Variants in SPAG16 observed in about 807,000 individuals in gnomAD.
The protein encoded by SPAG16 is sperm associated antigen 16.
In SPAG16, 86 loss-of-function variants were observed where a neutral mutation model predicts 80.4. The observed-to-expected ratio is 1.07, with a 90% CI of 0.90 to 1.28. The LOEUF (loss-of-function observed/expected upper bound fraction) is 1.28. Among genes scored for constraint, SPAG16 ranks in the 50% most tolerant of loss-of-function variants. SPAG16 has a pLI of 0.00. For missense variants in SPAG16, 870 were observed against 765.3 expected (o/e 1.14, Z -1.61); for synonymous variants, 294 against 265.9 (o/e 1.11, Z -1.03).
intron 10 of SPAG16, among the ~76,000 whole-genome samples, chr2:213,500,656 G>A (rs899061062): frequency 3.3e-5 from 5 of 152,112 alleles, no homozygotes; most frequent in Non-Finnish European, 5.9e-5. Flanking sequence ...ATTGACTATG[G>A]GCCTAGAAGA....
At chr2:213,796,035 T>C (rs547553335) in intron 10 of SPAG16, among the ~76,000 whole-genome samples, 21 of 152,256 alleles carry the variant, frequency 1.4e-4, no homozygotes, top group Non-Finnish European at 7.4e-5. Flanking sequence ...CACATAATTA[T>C]AAGAATTTTG....
intron 10 of SPAG16, among the ~76,000 whole-genome samples, chr2:213,859,218 T>TAAAAAAAAAAA (rs1575378884): frequency 1.8e-4 from 3 of 16,904 alleles, no homozygotes; most frequent in Non-Finnish European, 2.7e-4. Context: ...AAAAAAAAAC[T>TAAAAAAAAAAA]CAATGTCCTC....
At chr2:213,912,988 G>A (rs935500323) in intron 11 of SPAG16, among the ~76,000 whole-genome samples, 5 of 152,084 alleles carry the variant, frequency 3.3e-5, no homozygotes, top group Admixed American at 2.0e-4. Context: ...TTAGCACCTA[G>A]AGACAATCAA....
chr2:213,351,300 A>T (rs2065313693), intron 7 of SPAG16, among the ~76,000 whole-genome samples: 1 of 152,168 alleles, frequency 6.6e-6, no homozygotes, highest in Admixed American at 6.6e-5. Flanking sequence ...GAGTCATTTA[A>T]ACAAATTGGA....
At chr2:213,378,982 C>T (rs796961058) in intron 9 of SPAG16, among the ~76,000 whole-genome samples, 2 of 152,308 alleles carry the variant, frequency 1.3e-5, no homozygotes, top group African/African-American at 4.8e-5. Context: ...GGCCAATCAC[C>T]CCAGCCAAGA....
intron 10 of SPAG16, among the ~76,000 whole-genome samples, chr2:213,541,849 T>C (rs1236641099): frequency 6.6e-6 from 1 of 152,186 alleles, no homozygotes; most frequent in East Asian, 1.9e-4. Flanking sequence ...AGAAATTGTT[T>C]TTTCCATAAT....
intron 10 of SPAG16, among the ~76,000 whole-genome samples, chr2:213,755,850 G>T (rs1311856768): frequency 1.3e-5 from 2 of 152,142 alleles, no homozygotes; most frequent in Non-Finnish European, 2.9e-5. Flanking sequence ...AGAAAATAAA[G>T]TTCTGTGACC....
At chr2:213,483,765 T>G (rs1364455866) in intron 9 of SPAG16, among the ~76,000 whole-genome samples, 2 of 152,232 alleles carry the variant, frequency 1.3e-5, no homozygotes, top group Non-Finnish European at 2.9e-5. Context: ...ATAGTCATTA[T>G]TCTTCAACAT....
chr2:214,075,673 C>T (rs554248397), intron 13 of SPAG16, among the ~76,000 whole-genome samples: 126 of 152,214 alleles, frequency 8.3e-4, no homozygotes, highest in African/African-American at 2.8e-3. Context: ...AACACAGAGG[C>T]GAAATTCCAC....
chr2:213,402,693 T>C (rs1268204111), intron 9 of SPAG16, among the ~76,000 whole-genome samples: 2 of 152,122 alleles, frequency 1.3e-5, no homozygotes, highest in African/African-American at 4.8e-5. Context: ...TTTCTGTCCT[T>C]GCGATAGTTT....
intron 15 of SPAG16, among the ~76,000 whole-genome samples, chr2:214,322,984 G>T (rs1270040241): frequency 6.6e-6 from 1 of 152,134 alleles, no homozygotes; most frequent in African/African-American, 2.4e-5. Context: ...CAAATAAACT[G>T]AAAGCTATGG....
At chr2:213,702,706 A>G (rs1214076879) in intron 10 of SPAG16, among the ~76,000 whole-genome samples, 7 of 152,246 alleles carry the variant, frequency 4.6e-5, no homozygotes, top group Non-Finnish European at 1.0e-4. Flanking sequence ...AAAATGTTCC[A>G]GTACAGTGAA....
intron 14 of SPAG16, among the ~76,000 whole-genome samples, chr2:214,145,387 A>C (rs974780889): frequency 5.3e-5 from 8 of 152,110 alleles, no homozygotes; most frequent in Non-Finnish European, 4.4e-5. Context: ...ATAATGCTAC[A>C]TTGGTTTTTT....
intron 8 of SPAG16, among the ~76,000 whole-genome samples, chr2:213,374,078 T>C (rs1446352396): frequency 2.0e-5 from 3 of 150,492 alleles, no homozygotes; most frequent in Non-Finnish European, 4.4e-5. Flanking sequence ...TCAAGTACTT[T>C]CATGTAACGT....
intron 12 of SPAG16, among the ~76,000 whole-genome samples, chr2:213,971,871 GTTTT>G (rs1416640577): frequency 1.4e-5 from 2 of 145,358 alleles, no homozygotes; most frequent in Non-Finnish European, 3.0e-5. Context: ...CTATTTTCTT[GTTTT>G]TTGGTTTTTT....
At chr2:214,307,212 T>A (rs1414631919) in intron 15 of SPAG16, among the ~76,000 whole-genome samples, 2 of 152,192 alleles carry the variant, frequency 1.3e-5, no homozygotes, top group Admixed American at 1.3e-4. Flanking sequence ...TTTGTATTTC[T>A]GTGGGGTCAA....
intron 9 of SPAG16, among the ~76,000 whole-genome samples, chr2:213,423,117 G>A (rs2069699576): frequency 6.6e-6 from 1 of 152,200 alleles, no homozygotes; most frequent in African/African-American, 2.4e-5. Flanking sequence ...TTAGGGAGAT[G>A]AATCATTCTT....
At chr2:213,899,603 T>TTG (rs1250050401) in intron 11 of SPAG16, among the ~76,000 whole-genome samples, 2 of 152,090 alleles carry the variant, frequency 1.3e-5, no homozygotes, top group African/African-American at 2.4e-5. Flanking sequence ...ATTTAAATGT[T>TTG]TTCAAATTGT....
chr2:213,608,997 C>T (rs2061357740), intron 10 of SPAG16, among the ~76,000 whole-genome samples: 1 of 152,090 alleles, frequency 6.6e-6, no homozygotes, highest in Non-Finnish European at 1.5e-5. Flanking sequence ...ATTGTACTTT[C>T]AAAGAGAAAA....
Sources: allele counts gnomAD v4.1 joint callset (sites outside exome capture counted in the v4.1 genomes callset), GRCh38; gene constraint gnomAD v4.1.1; transcripts MANE v1.5; gene names NCBI Gene and HGNC (gene_info 2026-07-23, HGNC 2026-07-21).